The following GLI1 variants were observed in gnomAD, a reference collection of about 807,000 sequenced individuals.
GLI1 encodes the protein GLI family zinc finger 1, also known as transcription activator GLI1.
GLI1 carries 51 observed loss-of-function variants against 87.8 expected under a neutral mutation model. The ratio of observed to expected loss-of-function variants is 0.58; its 90% CI spans 0.46 to 0.73. The LOEUF is 0.73. Ranked by LOEUF, GLI1 falls within the 30% of genes least tolerant of loss-of-function variation. The pLI, the probability that GLI1 is intolerant of heterozygous loss-of-function variation, is 0.00. For missense variants in GLI1, 1,292 were observed against 1,437.2 expected, an observed-to-expected ratio of 0.90 and a Z score of 1.63; for synonymous variants, 528 against 558.2, an observed-to-expected ratio of 0.95 and a Z score of 0.76.
At position 57,466,332 on chromosome 12, in the gene GLI1, G is replaced by C. The variant is rs1465714577; in HGVS notation, c.855G>C (p.Gln285His). The C allele has an allele frequency of 3.7e-6, 6 of 1,614,016 alleles. No individual in the cohort carries two copies. The East Asian group carries it at 1.3e-4, about 36-fold the overall frequency. Residue 285 changes from glutamine to histidine, a missense_variant, in exon 8 of 12, where the codon CAG becomes CAC. Physicochemically the swap from Gln to His is conservative, Grantham distance 24. Around this residue, in one of 3 missense-constraint regions of GLI1, gnomAD observed 12 missense variants for 28.1 expected, o/e 0.43. Transcript: ENST00000228682. ...CSRELRPFKA[Q>H]YMLVVHMRRH... ...GGGAGCTGAGGCCCTTCAAAGCCCAGTACATGCTGGTGGTTCACATGCGCA... is the reference window on the plus strand; with the variant it reads ...GGGAGCTGAGGCCCTTCAAAGCCCACTACATGCTGGTGGTTCACATGCGCA...
chr12:57,462,193 C>A (rs1871182827), intron 1 of GLI1, among the ~76,000 whole-genome samples: 1 of 152,106 alleles, frequency 6.6e-6, no homozygotes, highest in South Asian at 2.1e-4. Context: ...ATTGTCCCCC[C>A]ATCCAGCTGC....
intron 8 of GLI1, among the ~76,000 whole-genome samples, chr12:57,467,124 T>C (rs1274109173): frequency 3.3e-5 from 5 of 152,272 alleles, no homozygotes; most frequent in Admixed American, 3.3e-4. Flanking sequence ...AGCATCTTTA[T>C]ATTCCCAAAG....
intron 11 of GLI1, 121 bp downstream of exon 11, chr12:57,469,819 C>CTTGAGGAAGGACA: frequency 1.2e-6 from 1 of 858,010 alleles, no homozygotes; most frequent in East Asian, 2.7e-5. Flanking sequence ...AAAATGGTGT[C>CTTGAGGAAGGACA]CTTCCTCAAG....
Position 57,471,026 on chromosome 12 carries a change from C to G in GLI1, c.2286C>G (p.Gly762=). 6.2e-7 allele frequency: 1 copy of G among 1,610,026 alleles called. No homozygotes were observed. Among genetic ancestry groups the G allele is most frequent in the Non-Finnish European group, 8.5e-7 (1 of 1,177,908 alleles). ...GGCCTGGTCCACCCACCAACTATGGCCCCAACCCCTGTCCCCAGCAGGCCT... is the reference window on the plus strand; with the variant it reads ...GGCCTGGTCCACCCACCAACTATGGGCCCAACCCCTGTCCCCAGCAGGCCT... ...PLGPGPPTNY[G]PNPCPQQASY... is the part of the protein sequence containing the mutation. The change falls in exon 12 of 12, where the codon GGC becomes GGG. Residue 762 remains glycine, a synonymous_variant. Transcript: ENST00000228682. The surrounding 1 kb of genome is among the most constrained non-coding windows in gnomAD (Gnocchi z 4.9).
Position 57,465,677 on chromosome 12 carries a change from C to T in GLI1, c.605C>T (p.Pro202Leu), listed in dbSNP as rs776606983. Reference protein sequence around the residue: ...EEPLEGDMSSPNSTGIQDPLL... With the variant: ...EEPLEGDMSSLNSTGIQDPLL... ...CCCTTGGAAGGTGATATGTCCAGCC[C>T]CAACTCCACAGGCATACAGGTAAGG... The change falls in exon 6 of 12, where the codon CCC becomes CTC. Residue 202 changes from proline (P) to leucine (L), a missense_variant. By Grantham distance (98) the Pro-to-Leu change is moderately conservative. This residue lies in a region of GLI1 where 383 missense variants were observed against 368.4 expected (regional missense o/e 1.04). Transcript: ENST00000228682. 1 of 1,614,142 alleles carries T rather than the reference C, an allele frequency of 6.2e-7. No homozygotes were observed. The highest frequency in any genetic ancestry group is 8.5e-7 in the Non-Finnish European group (1 of 1,179,978).
At chr12:57,462,581 GT>G (rs1871216804) in intron 1 of GLI1, among the ~76,000 whole-genome samples, 1 of 151,982 alleles carries the variant, frequency 6.6e-6, no homozygotes, top group African/African-American at 2.4e-5. Context: ...GGATCACATT[GT>G]TTTTTTCATT....
chr12:57,464,931 A>C, intron 4 of GLI1, 63 bp downstream of exon 4: 1 of 1,382,978 alleles, frequency 7.2e-7, no homozygotes, highest in South Asian at 1.2e-5. Context: ...AAAAGTCTCA[A>C]GCCCTCAAAC....
intron 1 of GLI1, among the ~76,000 whole-genome samples, chr12:57,461,757 A>C (rs1451150065): frequency 1.3e-5 from 2 of 149,120 alleles, no homozygotes; most frequent in Admixed American, 6.6e-5. Context: ...CCGAGGAGGC[A>C]CGGGGGCGGG....
chr12:57,459,839 T>A lies in GLI1; in HGVS notation c.-390T>A, dbSNP rs1026601133. Among the ~76,000 whole-genome samples, 1 of 137,802 alleles carries A rather than the reference T, an allele frequency of 7.3e-6. No homozygotes were observed. Among genetic ancestry groups the A allele is most frequent in the African/African-American group, 2.8e-5 (1 of 36,182 alleles). The allele number at this position is 137,802 out of a possible 152,430, so 90.4% of individuals were successfully genotyped here. On this transcript the variant is annotated 5_prime_UTR_variant, in exon 1 of 12. Transcript: ENST00000228682. ...GGGAGGATCCTGGGGGTCCTGGGGG[T>A]GCAATAAGCCCGGCACCCCTTCTCT...
intron 1 of GLI1, chr12:57,460,540 A>C (rs1221163353): frequency 6.6e-6 from 1 of 152,526 alleles, no homozygotes; most frequent in Admixed American, 6.6e-5. Flanking sequence ...TCTGCGTTGT[A>C]GAGAGGTAAC....
chr12:57,466,354 C>T lies in GLI1; in HGVS notation c.877C>T (p.Arg293Cys), dbSNP rs1871484057. ...KAQYMLVVHM[R>C]RHTGEKPHKC... ...CCAGTACATGCTGGTGGTTCACATG[C>T]GCAGACACACTGGCGAGAAGCCACA... The change falls in exon 8 of 12, where the codon CGC (arginine) becomes TGC (cysteine). Residue 293 changes from arginine (R) to cysteine (C), a missense_variant. This residue lies in a region of GLI1 where 12 missense variants were observed against 28.1 expected (regional missense o/e 0.43). Coordinates refer to ENST00000228682, the MANE Select transcript of GLI1 (RefSeq NM_005269.3). 12 of 1,613,770 alleles carry T rather than the reference C, an allele frequency of 7.4e-6. No homozygotes were observed. The highest frequency in any genetic ancestry group is 1.7e-5 in the Admixed American group (1 of 59,960).
intron 9 of GLI1, 67 bp from the exon 10 acceptor site, chr12:57,467,927 T>C: frequency 8.5e-7 from 1 of 1,169,890 alleles, no homozygotes; most frequent in South Asian, 1.3e-5. Context: ...TCACCACTTT[T>C]TCCCATTTCT....
intron 1 of GLI1, among the ~76,000 whole-genome samples, chr12:57,461,790 G>A (rs1421339987): frequency 2.0e-5 from 3 of 152,164 alleles, no homozygotes; most frequent in African/African-American, 7.2e-5. Context: ...GGGAGTAGGG[G>A]GGCGGAGCCG....
chr12:57,464,231 AGATGGGGCCG>A, intron 3 of GLI1, 140 bp downstream of exon 3: 1 of 688,800 alleles, frequency 1.5e-6, no homozygotes, highest in Admixed American at 2.3e-5. Flanking sequence ...AAGAAGTCAC[AGATGGGGCCG>A]GGCGCGGTGG....
At position 57,465,800 on chromosome 12, in the gene GLI1, G is replaced by C. The variant is rs1221339030; in HGVS notation, c.637G>C (p.Gly213Arg). 3 of 1,614,044 alleles carry C rather than the reference G, an allele frequency of 1.9e-6. No individual in the cohort carries two copies. ...TCTCTTGCCCTAGGATCCCCTGTTGGGGATGCTGGATGGGCGGGAGGACCT... is the reference window on the plus strand; with the variant it reads ...TCTCTTGCCCTAGGATCCCCTGTTGCGGATGCTGGATGGGCGGGAGGACCT... ...NSTGIQDPLLGMLDGREDLER... is the reference protein window; with the variant it reads ...NSTGIQDPLLRMLDGREDLER... Residue 213 changes from glycine (G) to arginine (R), a missense_variant, in exon 7 of 12, where the codon GGG becomes CGG. By Grantham distance (125) the Gly-to-Arg change is moderately radical. Around this residue, in one of 3 missense-constraint regions of GLI1, gnomAD observed 383 missense variants for 368.4 expected, o/e 1.04. Coordinates refer to ENST00000228682, the MANE Select transcript of GLI1 (RefSeq NM_005269.3).
Position 57,464,810 on chromosome 12 carries a change from A to G in GLI1, c.331A>G (p.Asn111Asp). ...TSPSSLVAFI[N>D]SRCTSPGGSY... ...ACCCAGCTCCCTCGTAGCTTTCATC[A>G]ACTCGCGATGCACATCTCCAGGAGG... The change falls in exon 4 of 12, where the codon AAC (asparagine) becomes GAC (aspartate). Residue 111 changes from asparagine to aspartate, a missense_variant. Around this residue, in one of 3 missense-constraint regions of GLI1, gnomAD observed 383 missense variants for 368.4 expected, o/e 1.04. Coordinates refer to ENST00000228682, the MANE Select transcript of GLI1 (RefSeq NM_005269.3). 6.2e-7 allele frequency: 1 copy of G among 1,614,018 alleles called. No individual in the cohort carries two copies. The highest frequency in any genetic ancestry group is 8.5e-7 in the Non-Finnish European group (1 of 1,179,952).
intron 1 of GLI1, among the ~76,000 whole-genome samples, chr12:57,463,087 A>ACAGGCAAAGCTCCCACC (rs894190344): frequency 6.6e-6 from 1 of 152,180 alleles, no homozygotes; most frequent in Non-Finnish European, 1.5e-5. Flanking sequence ...CACAGACCAC[A>ACAGGCAAAGCTCCCACC]CAGGCAAAGC....
Position 57,470,954 on chromosome 12 carries a change from A to G in GLI1, c.2214A>G (p.Ala738=), listed in dbSNP as rs777827863. 1 of 1,613,988 alleles carries G rather than the reference A, an allele frequency of 6.2e-7. No homozygotes were observed. Among genetic ancestry groups the G allele is most frequent in the Non-Finnish European group, 8.5e-7 (1 of 1,179,950 alleles). Residue 738 remains alanine, a synonymous_variant, in exon 12 of 12, where the codon GCA becomes GCG. Transcript: ENST00000228682. ...TGGGATATGGGGGACCTGAAGGGGC[A>G]GCAGCTGAGCCTTATGGAGCGAGGG... ...DTLGYGGPEG[A]AAEPYGARGP... is the part of the protein sequence containing the mutation.
chr12:57,467,365 C>A lies in GLI1; in HGVS notation c.945C>A (p.Leu315=). 1.2e-6 allele frequency: 2 copies of A among 1,611,174 alleles called. No homozygotes were observed. Among genetic ancestry groups the A allele is most frequent in the South Asian group, 2.2e-5 (2 of 90,994 alleles). ...GGTGCCGGAAGTCATACTCACGCCT[C>A]GAAAACCTGAAGACGCACCTGCGGT... ...FEGCRKSYSR[L]ENLKTHLRSH... Residue 315 remains leucine, a synonymous_variant, in exon 9 of 12, where the codon CTC becomes CTA. Transcript: ENST00000228682.
Sources: allele counts gnomAD v4.1 joint callset (sites outside exome capture counted in the v4.1 genomes callset), GRCh38; gene constraint gnomAD v4.1.1; regional missense constraint gnomAD v4.1.1; non-coding constraint Gnocchi (gnomAD v3.1); transcripts MANE v1.5; gene names NCBI Gene and HGNC (gene_info 2026-07-23, HGNC 2026-07-21).